The following ACSS2 variants were observed in gnomAD, a reference collection of about 807,000 sequenced individuals.
The protein encoded by ACSS2 is acyl-CoA synthetase short chain family member 2.
A neutral mutation model predicts 90.6 loss-of-function variants in ACSS2; 58 were observed. That is an observed-to-expected ratio of 0.64 (90% confidence interval 0.52 to 0.80). ACSS2 has a LOEUF of 0.80. Among genes scored for constraint, ACSS2 ranks in the 30% least tolerant of loss-of-function variants. The pLI is 0.00. For missense variants in ACSS2, 759 were observed against 912.0 expected (o/e 0.83, Z 2.16); for synonymous variants, 300 against 330.9 (o/e 0.91, Z 1.01).
chr20:34,883,152 G>T (rs1263906944), intron 2 of ACSS2, among the ~76,000 whole-genome samples, 163 bp downstream of exon 2: 1 of 152,176 alleles, frequency 6.6e-6, no homozygotes, highest in Non-Finnish European at 1.5e-5. Context: ...ACTAGTATGT[G>T]ACAGAGCTGA....
In ACSS2 at chr20:34,914,366, C is replaced by T. The variant is rs768438688; in HGVS notation, c.763C>T (p.Arg255Trp). The T allele has an allele frequency of 1.4e-5, 23 of 1,613,852 alleles. No homozygotes were observed. The Admixed American group carries it at 1.8e-4, about 13-fold the overall frequency. ...RCCIVVKHLG[R>W]AELGMGDSTS... ...CTGCATTGTGGTCAAGCACCTGGGG[C>T]GGGCAGAGCTCGGCATGGGTGACTC... is the stretch of plus-strand genomic sequence containing the variant. The change falls in exon 7 of 18, where the codon CGG becomes TGG. Residue 255 changes from arginine to tryptophan, a missense_variant. Physicochemically the swap from Arg to Trp is moderately radical, Grantham distance 101 (BLOSUM62 -3). Transcript: ENST00000360596.
At chr20:34,875,905 A>T (rs545399389), upstream of ACSS2, 1 of 152,656 alleles carries the variant, frequency 6.6e-6, no homozygotes, top group South Asian at 2.1e-4. Context: ...TCCTCATAAG[A>T]GGGAGAAAAT....
chr20:34,917,700 C>G (rs2081103412), intron 7 of ACSS2, among the ~76,000 whole-genome samples: 1 of 152,180 alleles, frequency 6.6e-6, no homozygotes, highest in African/African-American at 2.4e-5. Context: ...AAACCCCAAA[C>G]AGTTCCTATC....
At chr20:34,875,814 G>A (rs984894027), upstream of ACSS2, 1 of 152,782 alleles carries the variant, frequency 6.5e-6, no homozygotes, top group Middle Eastern at 3.4e-3. Flanking sequence ...AAACCTGAAG[G>A]TGTCTCCTAG....
chr20:34,923,197 A>G, intron 13 of ACSS2, 126 bp from the exon 14 acceptor site: 1 of 697,378 alleles, frequency 1.4e-6, no homozygotes, highest in Non-Finnish European at 2.5e-6. Flanking sequence ...ATTCCAAGCC[A>G]GGATCCTCTG....
At chr20:34,901,534 G>T (rs1378103380) in intron 2 of ACSS2, among the ~76,000 whole-genome samples, 1 of 152,226 alleles carries the variant, frequency 6.6e-6, no homozygotes, top group Non-Finnish European at 1.5e-5. Flanking sequence ...ATTAGTCAAG[G>T]TACATTGCTC....
At chr20:34,875,021 C>A (rs1220247095), upstream of ACSS2, 25 of 533,164 alleles carry the variant, frequency 4.7e-5, 1 homozygote, top group East Asian at 1.3e-3. Context: ...GAGGTGGGAG[C>A]TGCCCGCTTC....
Position 34,926,287 on chromosome 20 carries a change from G to A in ACSS2, c.1903+6G>A, listed in dbSNP as rs769491518. The stretch of plus-strand genomic sequence containing the variant: ...CGAGGAGCTCAAGAAGCAGAGTAAG[G>A]AGCCTCCCTGGGCAGGGACTATAGG... On this transcript the variant is annotated splice_donor_region_variant and intron_variant, in intron 16 of 17. Transcript: ENST00000360596. 1.2e-6 allele frequency: 2 copies of A among 1,613,672 alleles called. No homozygotes were observed. Among genetic ancestry groups the A allele is most frequent in the Admixed American group, 3.3e-5 (2 of 59,998 alleles).
At chr20:34,875,340 G>C (rs2079884318), upstream of ACSS2, among the ~76,000 whole-genome samples, 1 of 152,136 alleles carries the variant, frequency 6.6e-6, no homozygotes. Context: ...AGCCCAAGGC[G>C]GGCAGATCAC....
intron 2 of ACSS2, among the ~76,000 whole-genome samples, chr20:34,904,354 G>A (rs1370060522): frequency 6.6e-6 from 1 of 152,020 alleles, no homozygotes; most frequent in Non-Finnish European, 1.5e-5. Context: ...ATTCCAAGTA[G>A]AGGGCAAAGG....
intron 2 of ACSS2, among the ~76,000 whole-genome samples, chr20:34,884,968 G>A (rs2080154909): frequency 6.6e-6 from 1 of 152,196 alleles, no homozygotes; most frequent in African/African-American, 2.4e-5. Flanking sequence ...GGGAGACCAA[G>A]GCAGGTGGAT....
intron 1 of ACSS2, among the ~76,000 whole-genome samples, chr20:34,882,548 G>A (rs2080092247): frequency 6.6e-6 from 1 of 152,120 alleles, no homozygotes. Flanking sequence ...CTTCAACCGG[G>A]GAGGCAGAGG....
At chr20:34,897,312 A>C (rs542746536) in intron 2 of ACSS2, among the ~76,000 whole-genome samples, 2 of 152,252 alleles carry the variant, frequency 1.3e-5, no homozygotes, top group East Asian at 3.9e-4. Flanking sequence ...GAAAATTTTC[A>C]TCACCCCCAA....
chr20:34,877,836 A>T lies in ACSS2; in HGVS notation c.178+1013A>T, dbSNP rs1158971411. Among the ~76,000 whole-genome samples the T allele has an allele frequency of 1.1e-3, 160 of 150,370 alleles. 1 individual carries two copies. Among genetic ancestry groups the T allele is most frequent in the Non-Finnish European group, 1.6e-3 (109 of 67,478 alleles). ...TTTGTCTCAAAAAAAAAAAAAAAAA[A>T]AAAAAAAAAAAAAGGTATAAGGAAA... On this transcript the variant is annotated intron_variant, in intron 1 of 17. Coordinates refer to ENST00000360596, the MANE Select transcript of ACSS2 (RefSeq NM_018677.4).
intron 9 of ACSS2, 84 bp downstream of exon 9, chr20:34,920,793 G>A: frequency 6.6e-7 from 1 of 1,507,144 alleles, no homozygotes; most frequent in Non-Finnish European, 9.0e-7. Flanking sequence ...TGGTCTAGAG[G>A]GAGGGGGACT....
At position 34,921,359 on chromosome 20, in the gene ACSS2, G is replaced by A; in HGVS notation, c.1307G>A (p.Gly436Asp). 6.2e-7 allele frequency: 1 copy of A among 1,614,198 alleles called. No homozygotes were observed. Among genetic ancestry groups the A allele is most frequent in the Non-Finnish European group, 8.5e-7 (1 of 1,180,040 alleles). Reference protein sequence around the residue: ...KHSRASLQVLGTVGEPINPEA... With the variant: ...KHSRASLQVLDTVGEPINPEA... ...AGCCGGGCATCCTTGCAGGTGTTAGGCACAGTGGGTGAACCCATCAACCCT... is the reference window on the plus strand; with the variant it reads ...AGCCGGGCATCCTTGCAGGTGTTAGACACAGTGGGTGAACCCATCAACCCT... Residue 436 changes from glycine (G) to aspartate (D), a missense_variant, in exon 11 of 18, where the codon GGC (glycine) becomes GAC (aspartate). Transcript: ENST00000360596.
At chr20:34,898,598 GTAGC>G (rs1315800061) in intron 2 of ACSS2, among the ~76,000 whole-genome samples, 1 of 152,220 alleles carries the variant, frequency 6.6e-6, no homozygotes, top group Non-Finnish European at 1.5e-5. Flanking sequence ...CCCCACCAGA[GTAGC>G]TAGATACAGA....
At position 34,902,370 on chromosome 20, in the gene ACSS2, A is replaced by G. The variant is rs995047546; in HGVS notation, c.375-10726A>G. On this transcript the variant is annotated intron_variant, in intron 2 of 17. Coordinates refer to ENST00000360596, the MANE Select transcript of ACSS2 (RefSeq NM_018677.4). ...TAACAAAAGAAGTATAGTTTGAGAA[A>G]AATGCTGTGAAGAAAATAAGCAGTG... Among the ~76,000 whole-genome samples the G allele has an allele frequency of 4.6e-5, 7 of 152,316 alleles. No homozygotes were observed. The South Asian group carries it at 1.5e-3, about 32-fold the overall frequency.
intron 7 of ACSS2, among the ~76,000 whole-genome samples, chr20:34,918,457 T>C (rs2081123476): frequency 6.6e-6 from 1 of 152,204 alleles, no homozygotes; most frequent in Non-Finnish European, 1.5e-5. Flanking sequence ...TTTAGAGAAG[T>C]TTCAGGATGA....
Sources: allele counts gnomAD v4.1 joint callset (sites outside exome capture counted in the v4.1 genomes callset), GRCh38; gene constraint gnomAD v4.1.1; transcripts MANE v1.5; gene names NCBI Gene and HGNC (gene_info 2026-07-23, HGNC 2026-07-21).